ZBTB20: variants seen among roughly 807,000 people sequenced by gnomAD.
ZBTB20 encodes the protein zinc finger and BTB domain-containing protein 20.
In ZBTB20, 9 loss-of-function variants were observed where a neutral mutation model predicts 56.9. The observed-to-expected ratio is 0.16, with a 90% CI of 0.10 to 0.28. ZBTB20 has a LOEUF of 0.28. ZBTB20 is among the 10% of genes least tolerant of loss of function. The pLI, the probability that ZBTB20 is intolerant of heterozygous loss-of-function variation, is 1.00. For synonymous variants in ZBTB20, 417 were observed against 420.7 expected (o/e 0.99, Z 0.11); for missense variants, 655 against 1,003.0 (o/e 0.65, Z 4.69).
At chr3:114,910,305 GCA>G (rs62885462) in intron 3 of ZBTB20, among the ~76,000 whole-genome samples, 3,485 of 145,612 alleles carry the variant, frequency 0.024, 66 homozygotes, top group African/African-American at 0.05. Context: ...ATGCACGCGT[GCA>G]CACACACACA....
chr3:115,112,531 C>T (rs955370820), intron 1 of ZBTB20, among the ~76,000 whole-genome samples: 2 of 152,116 alleles, frequency 1.3e-5, no homozygotes, highest in African/African-American at 2.4e-5. Context: ...CATTTTAGCT[C>T]CCACATGAGT....
chr3:114,942,365 A>G (rs1292784851), intron 3 of ZBTB20, among the ~76,000 whole-genome samples: 1 of 146,134 alleles, frequency 6.8e-6, no homozygotes, highest in Non-Finnish European at 1.5e-5. Flanking sequence ...TACAAGGCAA[A>G]TAAACTTTTT....
In ZBTB20 at chr3:115,127,914, TAAGAG is replaced by T; in HGVS notation, c.-703+19300_-703+19304del. ...TATAAGAAACTGAAATAATAAGAAT[TAAGAG>T]AAGATCGCTTTGGTTTCTTGAGGAT... On this transcript the variant is annotated intron_variant, in intron 1 of 11. Coordinates refer to ENST00000675478, the MANE Select transcript of ZBTB20 (RefSeq NM_001348800.3). Among the ~76,000 whole-genome samples, 3 of 152,292 alleles carry T rather than the reference TAAGAG, an allele frequency of 2.0e-5. 1 individual carries two copies. Among genetic ancestry groups the T allele is most frequent in the Admixed American group, 2.0e-4 (3 of 15,298 alleles).
intron 6 of ZBTB20, among the ~76,000 whole-genome samples, chr3:114,557,739 T>TG (rs1356212110): frequency 6.6e-6 from 1 of 152,034 alleles, no homozygotes; most frequent in Non-Finnish European, 1.5e-5. Context: ...TATTTTCACC[T>TG]GTAATTGCAT....
Position 114,760,922 on chromosome 3 carries a change from T to A in ZBTB20, c.-343+40179A>T, listed in dbSNP as rs115732917. On this transcript the variant is annotated intron_variant, in intron 5 of 11. Coordinates refer to ENST00000675478, the MANE Select transcript of ZBTB20 (RefSeq NM_001348800.3). ...TCTGTGTCCATTTTGTGGTCACACATCTACTTCTAGTCAGATAGCACATGC... is the reference window on the plus strand; with the variant it reads ...TCTGTGTCCATTTTGTGGTCACACAACTACTTCTAGTCAGATAGCACATGC... 2.0e-3 allele frequency among the ~76,000 whole-genome samples: 304 copies of A among 152,286 alleles called. 1 individual carries two copies. The highest frequency in any genetic ancestry group is 6.9e-3 in the African/African-American group (288 of 41,576).
At chr3:114,834,863 ATATGT>A (rs2074043196) in intron 4 of ZBTB20, among the ~76,000 whole-genome samples, 1 of 152,156 alleles carries the variant, frequency 6.6e-6, no homozygotes, top group Admixed American at 6.6e-5. Flanking sequence ...TGGTATTAAA[ATATGT>A]TATATTTGTA....
chr3:114,955,602 C>G (rs1243777501), intron 3 of ZBTB20, among the ~76,000 whole-genome samples: 1 of 152,122 alleles, frequency 6.6e-6, no homozygotes, highest in Non-Finnish European at 1.5e-5. Context: ...AAATCATCCA[C>G]AGAGATGTCT....
chr3:114,615,685 T>C (rs2057884491), intron 6 of ZBTB20, among the ~76,000 whole-genome samples: 1 of 152,202 alleles, frequency 6.6e-6, no homozygotes, highest in Non-Finnish European at 1.5e-5. Flanking sequence ...GCTGCAAACG[T>C]GACAGATACC....
chr3:114,718,546 A>G (rs2064676414), intron 5 of ZBTB20, among the ~76,000 whole-genome samples: 1 of 152,146 alleles, frequency 6.6e-6, no homozygotes, highest in African/African-American at 2.4e-5. Context: ...GCGCTGTGAC[A>G]TATAAAAAGG....
rs111401370 is a variant in ZBTB20 at position 115,057,028 on chromosome 3, A to G, written c.-507+14191T>C. ...TATAAATTCTGTTGAGAATAAAAAT[A>G]ATCTACATACTCTAATTACTTAAAC... On this transcript the variant is annotated intron_variant, in intron 2 of 11. Transcript: ENST00000675478. 5.7e-3 allele frequency among the ~76,000 whole-genome samples: 867 copies of G among 152,222 alleles called. 13 individuals carry two copies. The highest frequency in any genetic ancestry group is 0.02 in the African/African-American group (840 of 41,546).
At chr3:114,580,318 C>T (rs1015218635) in intron 6 of ZBTB20, among the ~76,000 whole-genome samples, 3 of 151,536 alleles carry the variant, frequency 2.0e-5, no homozygotes, top group South Asian at 2.1e-4. Context: ...TGATTAAAAA[C>T]ACTTAGTAAA....
chr3:114,589,453 T>G (rs747540172), intron 6 of ZBTB20, among the ~76,000 whole-genome samples: 7 of 152,180 alleles, frequency 4.6e-5, no homozygotes, highest in Non-Finnish European at 1.0e-4. Context: ...TGGCAAAGCA[T>G]TCTTAATCTC....
At chr3:114,508,920 G>A (rs934520079) in intron 6 of ZBTB20, among the ~76,000 whole-genome samples, 6 of 152,040 alleles carry the variant, frequency 3.9e-5, no homozygotes, top group African/African-American at 7.2e-5. Context: ...CAAAAGAAAC[G>A]TTTTGTTTAG....
intron 2 of ZBTB20, among the ~76,000 whole-genome samples, chr3:114,996,441 A>C (rs1410401945): frequency 6.6e-6 from 1 of 151,564 alleles, no homozygotes; most frequent in African/African-American, 2.4e-5. Context: ...CCCACTTATG[A>C]GTGAGAACAC....
rs551155678 is a variant in ZBTB20, at chr3:114,548,707, C to T, written c.-294-48316G>A. 5.3e-5 allele frequency among the ~76,000 whole-genome samples: 8 copies of T among 151,902 alleles called. No individual in the cohort carries two copies. The South Asian group carries it at 1.0e-3, about 20-fold the overall frequency. ...GTAATTTTTGTATTTTTAGTAGAGA[C>T]GGGGTTTCGCCATATTGGCCAGGCT... On this transcript the variant is annotated intron_variant, in intron 6 of 11. Coordinates refer to ENST00000675478, the MANE Select transcript of ZBTB20 (RefSeq NM_001348800.3).
Position 114,399,619 on chromosome 3 carries a change from G to T in ZBTB20, c.-254-10514C>A, listed in dbSNP as rs1214273136. Among the ~76,000 whole-genome samples, 6 of 152,102 alleles carry T rather than the reference G, an allele frequency of 3.9e-5. No homozygotes were observed. In the South Asian group the frequency reaches 1.2e-3, roughly 32 times the overall value. On this transcript the variant is annotated intron_variant, in intron 7 of 11. Coordinates refer to ENST00000675478, the MANE Select transcript of ZBTB20 (RefSeq NM_001348800.3). ...GTCAATACTTAAGAATTGTCTTTCT[G>T]GGCAATTTACACATGTGAGAGTGAA...
intron 6 of ZBTB20, among the ~76,000 whole-genome samples, chr3:114,604,197 A>T (rs949141709): frequency 6.6e-6 from 1 of 152,110 alleles, no homozygotes; most frequent in African/African-American, 2.4e-5. Flanking sequence ...CAAAACTATA[A>T]AAGAGATTAA....
chr3:114,881,082 T>G (rs141629765), intron 4 of ZBTB20, among the ~76,000 whole-genome samples: 4 of 152,198 alleles, frequency 2.6e-5, no homozygotes, highest in Non-Finnish European at 5.9e-5. Context: ...TACTTAGATT[T>G]CACATTTCAC....
intron 8 of ZBTB20, chr3:114,388,081 A>ATGTT (rs1326932115): frequency 2.6e-5 from 4 of 152,242 alleles, no homozygotes; most frequent in Non-Finnish European, 5.9e-5. Flanking sequence ...CCTAAGAGGG[A>ATGTT]TGTTAGTCTC....
Sources: allele counts gnomAD v4.1 joint callset (sites outside exome capture counted in the v4.1 genomes callset), GRCh38; gene constraint gnomAD v4.1.1; transcripts MANE v1.5; gene names NCBI Gene and HGNC (gene_info 2026-07-23, HGNC 2026-07-21).